The following DGKK variants were observed in gnomAD, a reference collection of about 807,000 sequenced individuals.
DGKK encodes 142 kDa diacylglycerol kinase.
In DGKK, 35 loss-of-function variants were observed where a neutral mutation model predicts 92.2. The observed-to-expected ratio is 0.38, with a 90% CI of 0.29 to 0.50. The LOEUF is 0.50. DGKK is among the 20% of genes least tolerant of loss of function. The probability of loss-of-function intolerance (pLI) is 0.92; values close to 1 mark genes in which losing one functional copy is unlikely to be tolerated. For synonymous variants in DGKK, 368 were observed against 360.6 expected, an observed-to-expected ratio of 1.02 and a Z score of -0.23; for missense variants, 910 against 992.2, an observed-to-expected ratio of 0.92 and a Z score of 1.11.
At chrX:50,390,484 G>A in intron 11 of DGKK, 75 bp from the exon 12 acceptor site, 1 of 965,312 alleles carries the variant, frequency 1.0e-6, no homozygotes, top group South Asian at 2.0e-5. Flanking sequence ...CAAAGGTGAA[G>A]ACAGAAGTAA....
intron 1 of DGKK, among the ~76,000 whole-genome samples, chrX:50,439,845 G>T (rs1569544948): frequency 9.0e-6 from 1 of 110,774 alleles, no homozygotes; most frequent in Non-Finnish European, 1.9e-5. Context: ...CATAGTGCTA[G>T]GACTCATGAG....
intron 11 of DGKK, among the ~76,000 whole-genome samples, chrX:50,390,770 T>C (rs1376535974): frequency 8.9e-6 from 1 of 111,949 alleles, no homozygotes; most frequent in African/African-American, 3.2e-5. Flanking sequence ...AGGTTGATGT[T>C]TTTAAAAAGC....
At chrX:50,410,134 G>T (rs1241311738) in intron 4 of DGKK, among the ~76,000 whole-genome samples, 1 of 112,310 alleles carries the variant, frequency 8.9e-6, no homozygotes, top group African/African-American at 3.2e-5. Flanking sequence ...ACTTAAAAAT[G>T]TAGAAAAAAC....
At chrX:50,443,387 G>A (rs1298297146) in intron 1 of DGKK, among the ~76,000 whole-genome samples, 2 of 111,318 alleles carry the variant, frequency 1.8e-5, no homozygotes, top group African/African-American at 6.5e-5. Flanking sequence ...AGCACAAAAT[G>A]ACACAGATAG....
At chrX:50,428,927 TG>T (rs1325046595) in intron 1 of DGKK, among the ~76,000 whole-genome samples, 1 of 112,095 alleles carries the variant, frequency 8.9e-6, no homozygotes, top group Non-Finnish European at 1.9e-5. Context: ...ATCCATTGCT[TG>T]ATTGCCCCAA....
At chrX:50,391,731 T>C (rs1192312229) in intron 10 of DGKK, among the ~76,000 whole-genome samples, 155 bp from the exon 11 acceptor site, 1 of 112,355 alleles carries the variant, frequency 8.9e-6, no homozygotes, top group Non-Finnish European at 1.9e-5. Flanking sequence ...GAGAGGATGT[T>C]TGCAATTGGG....
chrX:50,385,097 T>C (rs971165092), intron 15 of DGKK, among the ~76,000 whole-genome samples: 2 of 111,810 alleles, frequency 1.8e-5, no homozygotes, highest in Admixed American at 1.9e-4. Flanking sequence ...CTGGTTACTC[T>C]TTTTTCTCTC....
chrX:50,382,328 A>G (rs1421657078), intron 18 of DGKK, among the ~76,000 whole-genome samples, 168 bp downstream of exon 18: 1 of 112,209 alleles, frequency 8.9e-6, no homozygotes, highest in Non-Finnish European at 1.9e-5. Context: ...GCAGTCATCC[A>G]AAATTTGGCA....
chrX:50,434,054 C>T (rs1011838478), intron 1 of DGKK, among the ~76,000 whole-genome samples: 1 of 110,869 alleles, frequency 9.0e-6, no homozygotes, highest in African/African-American at 3.3e-5. Flanking sequence ...ATTCCGTGGA[C>T]GTTTATTCTC....
intron 4 of DGKK, among the ~76,000 whole-genome samples, chrX:50,408,534 A>G (rs1602282621): frequency 9.3e-6 from 1 of 107,397 alleles, no homozygotes; most frequent in Admixed American, 9.8e-5. Context: ...GCCCGCCACC[A>G]CGCCCGGCTA....
At chrX:50,447,328 ATATATATATATATAT>A (rs1557231986) in intron 1 of DGKK, among the ~76,000 whole-genome samples, 2 of 19,311 alleles carry the variant, frequency 1.0e-4, no homozygotes, top group Non-Finnish European at 1.8e-4. Context: ...GTGTGTATGT[ATATATATATATATAT>A]TATATATATA....
chrX:50,370,324 C>G (rs1557222989), intron 27 of DGKK, 102 bp downstream of exon 27: 1 of 1,024,309 alleles, frequency 9.8e-7, no homozygotes, highest in Non-Finnish European at 1.3e-6. Context: ...TTCATCATCA[C>G]CATTCCCACA....
intron 18 of DGKK, 23 bp downstream of exon 18, chrX:50,382,473 G>C: frequency 1.8e-6 from 2 of 1,094,962 alleles, no homozygotes; most frequent in South Asian, 1.9e-5. Context: ...TTGCATGTAG[G>C]GAAGGGAGTT....
chrX:50,397,836 C>G (rs1924893475), intron 8 of DGKK, among the ~76,000 whole-genome samples: 1 of 111,484 alleles, frequency 9.0e-6, no homozygotes, highest in Non-Finnish European at 1.9e-5. Context: ...AGAGAGCTCA[C>G]AGTCTGGGGT....
chrX:50,400,831 C>T (rs1924982298), intron 8 of DGKK, among the ~76,000 whole-genome samples: 2 of 110,983 alleles, frequency 1.8e-5, no homozygotes, highest in East Asian at 5.6e-4. Flanking sequence ...AGAGAACATG[C>T]CCACATACAT....
rs201734989 is a variant in DGKK, at chrX:50,427,816, GA to G, written c.646-3459del. On this transcript the variant is annotated intron_variant, in intron 1 of 27. Coordinates refer to ENST00000611977, the MANE Select transcript of DGKK (RefSeq NM_001013742.4). ...CTGAAAAAGAAGAATAATTAAGAGGGAACTACCTGCTATTTAGGTTTTAAAA... is the reference window on the plus strand; with the variant it reads ...CTGAAAAAGAAGAATAATTAAGAGGGACTACCTGCTATTTAGGTTTTAAAA... 8.6e-3 allele frequency among the ~76,000 whole-genome samples: 944 copies of G among 109,891 alleles called. 6 individuals are homozygous for G. The highest frequency in any genetic ancestry group is 0.033 in the Middle Eastern group (7 of 212).
intron 15 of DGKK, among the ~76,000 whole-genome samples, chrX:50,385,494 C>T (rs781965066): frequency 2.5e-4 from 28 of 112,038 alleles, no homozygotes; most frequent in East Asian, 1.4e-3. Flanking sequence ...TGGCTACATC[C>T]GTTTAATCTG....
At chrX:50,467,567 T>A (rs781795322) in intron 1 of DGKK, among the ~76,000 whole-genome samples, 2 of 113,073 alleles carry the variant, frequency 1.8e-5, no homozygotes, top group South Asian at 3.6e-4. Flanking sequence ...ATGTATAGTA[T>A]GTGTGTGTGT....
chrX:50,376,742 A>G lies in DGKK; in HGVS notation c.3272+16T>C. 8.5e-7 allele frequency: 1 copy of G among 1,172,109 alleles called. No individual in the cohort carries two copies. Among genetic ancestry groups the G allele is most frequent in the Non-Finnish European group, 1.1e-6 (1 of 873,549 alleles). ...TCTTAGGATTCTCAGCCCTGTATCT[A>G]GGCCAGTCCACTTACTTGCTGATGA... On this transcript the variant is annotated intron_variant, in intron 23 of 27. Transcript: ENST00000611977.
Sources: gnomAD v4.1 joint callset for allele counts (sites outside exome capture counted in the v4.1 genomes callset) on GRCh38, gnomAD v4.1.1 for gene constraint, MANE v1.5 for transcripts, NCBI Gene and HGNC (gene_info 2026-07-23, HGNC 2026-07-21) for gene names.